The following SLC35D1 variants were observed in gnomAD, a reference collection of about 807,000 sequenced individuals.
SLC35D1 encodes the protein solute carrier family 35 member D1.
In SLC35D1, 31 loss-of-function variants were observed where a neutral mutation model predicts 46.7. The ratio of observed to expected loss-of-function variants is 0.66; its 90% CI spans 0.50 to 0.90. The LOEUF (loss-of-function observed/expected upper bound fraction) is 0.90. SLC35D1 is among the 40% of genes least tolerant of loss of function. The pLI is 0.00. For synonymous variants in SLC35D1, 195 were observed against 164.6 expected (o/e 1.18, Z -1.41); for missense variants, 397 against 426.2 (o/e 0.93, Z 0.60).
At chr1:67,014,670 GTT>G (rs34459732) in intron 10 of SLC35D1, among the ~76,000 whole-genome samples, 1 of 99,984 alleles carries the variant, frequency 1.0e-5, no homozygotes, top group Non-Finnish European at 1.9e-5. Flanking sequence ...TCAATTTTTA[GTT>G]TTTTTTTTTT....
the SLC35D1 span, among the ~76,000 whole-genome samples, chr1:66,974,891 C>T: frequency 3.9e-5 from 6 of 152,112 alleles, no homozygotes; most frequent in Non-Finnish European, 7.4e-5. Context: ...ATAATCTTAA[C>T]TTTGCATGCC....
chr1:67,044,332 GAA>G (rs11305986), intron 7 of SLC35D1, among the ~76,000 whole-genome samples: 2 of 10,342 alleles, frequency 1.9e-4, no homozygotes, highest in Admixed American at 1.0e-3. Context: ...GACTCCATCT[GAA>G]AAAAAAAAAA....
At chr1:66,985,412 G>A in the SLC35D1 span, 25 of 983,278 alleles carry the variant, frequency 2.5e-5, no homozygotes, top group Admixed American at 6.1e-5. Context: ...AAACCCTTAC[G>A]AATCCTGAAA....
intron 6 of SLC35D1, among the ~76,000 whole-genome samples, chr1:67,048,597 A>G (rs903388673): frequency 6.6e-6 from 1 of 152,216 alleles, no homozygotes; most frequent in African/African-American, 2.4e-5. Flanking sequence ...TCTTCCACCT[A>G]TACTACAGGA....
downstream of SLC35D1, among the ~76,000 whole-genome samples, chr1:66,997,519 A>AATATAT (rs35571347): frequency 2.6e-3 from 189 of 74,012 alleles, 1 homozygote; most frequent in South Asian, 5.4e-3. Flanking sequence ...AAAAAAAAAA[A>AATATAT]ATATATATAT....
intron 8 of SLC35D1, among the ~76,000 whole-genome samples, chr1:67,024,059 C>T (rs1160481267): frequency 6.6e-6 from 1 of 151,884 alleles, no homozygotes; most frequent in Non-Finnish European, 1.5e-5. Flanking sequence ...ATTCTCCTGC[C>T]TCAGCCTTCC....
chr1:66,991,863 C>T, the SLC35D1 span, among the ~76,000 whole-genome samples: 1 of 151,624 alleles, frequency 6.6e-6, no homozygotes, highest in East Asian at 1.9e-4. Context: ...TTCAAGATTT[C>T]TCCTCTTCAT....
chr1:67,020,411 C>T lies in SLC35D1; in HGVS notation c.834G>A (p.Gln278=). The change falls in exon 10 of 12, where the codon CAG becomes CAA. Residue 278 remains glutamine (Q), a synonymous_variant. Transcript: ENST00000235345. ...ILMYATVLCT[Q]YNSALTTTIV... is the part of the protein sequence containing the mutation. ...TTGTAGTTGTAAGAGCAGAATTATA[C>T]TGCGTGCAGAGTACTGTGGCGTACA... 6.2e-7 allele frequency: 1 copy of T among 1,611,264 alleles called. No individual in the cohort carries two copies. The highest frequency in any genetic ancestry group is 1.1e-5 in the South Asian group (1 of 91,048).
chr1:67,004,526 T>C lies in SLC35D1; in HGVS notation c.960-78A>G, dbSNP rs112536981. 1,612 of 1,257,420 alleles carry C rather than the reference T, an allele frequency of 1.3e-3. 17 individuals are homozygous for C. The African/African-American group carries it at 0.021, about 16-fold the overall frequency. The allele number at this position is 1,257,420 out of a possible 1,614,324, so 77.9% of individuals were successfully genotyped here. On this transcript the variant is annotated intron_variant, in intron 11 of 11. Transcript: ENST00000235345. Reference sequence around the variant, plus strand: ...AAACACTCTACTCAGTAAAAAAACTTACACCAAAAAATTAGATGAAGAGTA... The same window carrying C: ...AAACACTCTACTCAGTAAAAAAACTCACACCAAAAAATTAGATGAAGAGTA...
At position 67,003,189 on chromosome 1, in the gene SLC35D1, T is replaced by C. The variant is rs751550014; in HGVS notation, c.*1151A>G. 2.6e-5 allele frequency: 4 copies of C among 152,314 alleles called. No individual in the cohort carries two copies. Among genetic ancestry groups the C allele is most frequent in the Non-Finnish European group, 5.9e-5 (4 of 68,042 alleles). 9.4% of individuals were successfully genotyped at this position (152,314 alleles called of 1,614,324 possible). Reference sequence around the variant, plus strand: ...ACAATACAAAGACGTCTAACCAGCCTTTCCCCTCAAACCAATAAATTCAGA... The same window carrying C: ...ACAATACAAAGACGTCTAACCAGCCCTTCCCCTCAAACCAATAAATTCAGA... On this transcript the variant is annotated 3_prime_UTR_variant, in exon 12 of 12. Transcript: ENST00000235345.
At chr1:67,039,523 G>GTGTGTA (rs1466690847) in intron 8 of SLC35D1, among the ~76,000 whole-genome samples, 2 of 151,022 alleles carry the variant, frequency 1.3e-5, no homozygotes, top group Non-Finnish European at 2.9e-5. Context: ...GTGTGTGTGC[G>GTGTGTA]CGCGTGGGGG....
At chr1:67,021,692 C>A (rs1667802152) in intron 8 of SLC35D1, 90 bp from the exon 9 acceptor site, 1 of 230,838 alleles carries the variant, frequency 4.3e-6, no homozygotes. Context: ...GAGTCTGCCT[C>A]CAACACAGAC....
the SLC35D1 span, chr1:66,976,815 T>G: frequency 2.7e-6 from 3 of 1,105,838 alleles, no homozygotes; most frequent in South Asian, 2.0e-5. Flanking sequence ...ATAATCTTGC[T>G]TTTATATACT....
intron 9 of SLC35D1, 34 bp downstream of exon 9, chr1:67,021,501 A>G (rs577238098): frequency 5.6e-6 from 9 of 1,610,240 alleles, no homozygotes; most frequent in Middle Eastern, 3.3e-4. Context: ...TTTCTTTAGG[A>G]AAACTATCTG....
chr1:67,054,031 TGGCCTGGCGGCGG>T lies in SLC35D1; in HGVS notation c.-31_-19del. 6.2e-7 allele frequency: 1 copy of T among 1,603,790 alleles called. No individual in the cohort carries two copies. The highest frequency in any genetic ancestry group is 8.5e-7 in the Non-Finnish European group (1 of 1,175,244). ...TCCGCCATGGCTGCCGCAGCAGCGGTGGCCTGGCGGCGGGGCCTAGCGGCTCGGGGGCCTGCAG... is the reference window on the plus strand; with the variant it reads ...TCCGCCATGGCTGCCGCAGCAGCGGTGGCCTAGCGGCTCGGGGGCCTGCAG... On this transcript the variant is annotated 5_prime_UTR_variant, in exon 1 of 12. Coordinates refer to ENST00000235345, the MANE Select transcript of SLC35D1 (RefSeq NM_015139.3).
At chr1:67,040,253 C>T (rs942152197) in intron 8 of SLC35D1, among the ~76,000 whole-genome samples, 10 of 152,080 alleles carry the variant, frequency 6.6e-5, no homozygotes, top group Non-Finnish European at 1.3e-4. Flanking sequence ...CACAACTCCC[C>T]AAGGGCTAGG....
rs527752224 is a variant in SLC35D1, at chr1:67,018,788, G to A, written c.876+1581C>T. Among the ~76,000 whole-genome samples the A allele has an allele frequency of 5.3e-5, 8 of 152,282 alleles. No homozygotes were observed. The South Asian group carries it at 1.5e-3, about 28-fold the overall frequency. On this transcript the variant is annotated intron_variant, in intron 10 of 11. Coordinates refer to ENST00000235345, the MANE Select transcript of SLC35D1 (RefSeq NM_015139.3). ...TGTAGGAGGAATGGCTGAGCTAAAT[G>A]GGTTATAACTGGGATGCTAATGACA...
the SLC35D1 span, among the ~76,000 whole-genome samples, chr1:66,984,358 A>G: frequency 6.6e-6 from 1 of 152,228 alleles, no homozygotes; most frequent in Non-Finnish European, 1.5e-5. Context: ...AATATCTATT[A>G]TGATCTTCAT....
rs1667402958 is a variant in SLC35D1 at position 67,004,368 on chromosome 1, A to G, written c.1040T>C (p.Leu347Pro). 6.8e-6 allele frequency: 11 copies of G among 1,614,000 alleles called. No individual in the cohort carries two copies. Among genetic ancestry groups the G allele is most frequent in the Non-Finnish European group, 9.3e-6 (11 of 1,179,980 alleles). ...LSKQSEANNK[L>P]DIKGKGAV The stretch of plus-strand genomic sequence containing the variant: ...CACTGCTCCTTTCCCCTTAATGTCC[A>G]GCTTGTTATTAGCCTCTGACTGTTT... The change falls in exon 12 of 12, where the codon CTG becomes CCG. Residue 347 changes from leucine (L) to proline (P), a missense_variant. By Grantham distance (98) the Leu-to-Pro change is moderately conservative. Transcript: ENST00000235345.
Sources: gnomAD v4.1 joint callset for allele counts (sites outside exome capture counted in the v4.1 genomes callset) on GRCh38, gnomAD v4.1.1 for gene constraint, MANE v1.5 for transcripts, NCBI Gene and HGNC (gene_info 2026-07-23, HGNC 2026-07-21) for gene names.